Variants in PFAS observed in about 807,000 individuals in gnomAD.
PFAS encodes FGAM synthase.
A neutral mutation model predicts 140.6 loss-of-function variants in PFAS; 97 were observed. The ratio of observed to expected loss-of-function variants is 0.69; its 90% CI spans 0.59 to 0.82. The LOEUF (loss-of-function observed/expected upper bound fraction) is 0.82, where lower values mean the gene tolerates loss of function less well. Ranked by LOEUF, PFAS falls within the 40% of genes least tolerant of loss-of-function variation. PFAS has a pLI of 0.00. For synonymous variants in PFAS, 679 were observed against 718.8 expected (o/e 0.94, Z 0.88); for missense variants, 1,656 against 1,780.2 (o/e 0.93, Z 1.26).
intron 1 of PFAS, among the ~76,000 whole-genome samples, chr17:8,251,232 G>A (rs563001389): frequency 6.6e-6 from 1 of 152,240 alleles, no homozygotes; most frequent in South Asian, 2.1e-4. Context: ...GTTGCAGTGA[G>A]CCGAGATCGT....
chr17:8,257,293 A>T (rs1183248887), intron 9 of PFAS, among the ~76,000 whole-genome samples: 6 of 152,042 alleles, frequency 3.9e-5, no homozygotes, highest in African/African-American at 1.2e-4. Context: ...GTGGTGGCTC[A>T]CGCCTGTAAT....
At chr17:8,263,727 G>T in intron 14 of PFAS, 48 bp from the exon 15 acceptor site, 1 of 1,607,684 alleles carries the variant, frequency 6.2e-7, no homozygotes, top group Non-Finnish European at 8.5e-7. Context: ...CATGAGACGT[G>T]GGAGTGCCCA....
rs1989652190 is a variant in PFAS, at chr17:8,262,951, C to T, written c.1368C>T (p.Val456=). Reference sequence around the variant, plus strand: ...AAGTTGTAAAGGTTGGAGGTCCCGTCTACAGGATTGGAGTTGGAGGTGGAG... The same window carrying T: ...AAGTTGTAAAGGTTGGAGGTCCCGTTTACAGGATTGGAGTTGGAGGTGGAG... The part of the protein sequence containing the change: ...GMEVVKVGGP[V]YRIGVGGGAA... Residue 456 remains valine, a synonymous_variant, in exon 12 of 28, where the codon GTC becomes GTT. Coordinates refer to ENST00000314666, the MANE Select transcript of PFAS (RefSeq NM_012393.3). 6.2e-7 allele frequency: 1 copy of T among 1,614,006 alleles called. No homozygotes were observed. The highest frequency in any genetic ancestry group is 1.1e-5 in the South Asian group (1 of 91,082).
rs982889948 is a variant in PFAS at position 8,269,327 on chromosome 17, C to G, written c.*63C>G. Reference sequence around the variant, plus strand: ...ACCTAAGTGGGTCCTGCCCCCTCCCCCATGACCTTCAGGAGCACCCCATAT... The same window carrying G: ...ACCTAAGTGGGTCCTGCCCCCTCCCGCATGACCTTCAGGAGCACCCCATAT... On this transcript the variant is annotated 3_prime_UTR_variant, in exon 28 of 28. Transcript: ENST00000314666. 8.4e-7 allele frequency: 1 copy of G among 1,186,350 alleles called. No homozygotes were observed. The highest frequency in any genetic ancestry group is 1.2e-6 in the Non-Finnish European group (1 of 835,190). The allele number at this position is 1,186,350 out of a possible 1,614,324, so 73.5% of individuals were successfully genotyped here. A position where few individuals can be genotyped will look rare whatever the true frequency, so the allele number is the denominator to read the frequency against.
Position 8,267,498 on chromosome 17 carries a change from C to T in PFAS, c.3267+35C>T. The T allele has an allele frequency of 6.3e-7, 1 of 1,593,616 alleles. No homozygotes were observed. Among genetic ancestry groups the T allele is most frequent in the Non-Finnish European group, 8.6e-7 (1 of 1,161,360 alleles). ...GTAGGGGGCAGCTGGGGGTGATTGT[C>T]CAGCCTCAGCTGCGTGTCCTCCCAC... On this transcript the variant is annotated intron_variant, in intron 25 of 27. Transcript: ENST00000314666. This position sits in a 1 kb window ranked among gnomAD's most constrained non-coding sequence, Gnocchi z 4.9.
rs764217235 is a variant in PFAS at position 8,265,447 on chromosome 17, A to G, written c.2440A>G (p.Thr814Ala). ...CCTCAGCATGGCTGCTCGGGTTGGCACTGAGACCGTGCGGGCTCCTGGTGA... is the reference window on the plus strand; with the variant it reads ...CCTCAGCATGGCTGCTCGGGTTGGCGCTGAGACCGTGCGGGCTCCTGGTGA... ...DSLSMAARVG[T>A]ETVRAPGSLV... The change falls in exon 19 of 28, where the codon ACT (threonine) becomes GCT (alanine). Residue 814 changes from threonine to alanine, a missense_variant. By Grantham distance (58) the Thr-to-Ala change is moderately conservative. Coordinates refer to ENST00000314666, the MANE Select transcript of PFAS (RefSeq NM_012393.3). 24 of 1,613,974 alleles carry G rather than the reference A, an allele frequency of 1.5e-5. No homozygotes were observed. The highest frequency in any genetic ancestry group is 1.9e-5 in the Non-Finnish European group (23 of 1,179,992).
At chr17:8,256,698 G>A (rs1342513088) in intron 8 of PFAS, 50 bp downstream of exon 8, 1 of 1,603,990 alleles carries the variant, frequency 6.2e-7, no homozygotes, top group Admixed American at 1.7e-5. Flanking sequence ...ATAGGGTAGG[G>A]CAAAGGTCCC....
upstream of PFAS, chr17:8,247,816 C>T (rs1339641051): frequency 4.8e-6 from 3 of 621,116 alleles, no homozygotes; most frequent in Non-Finnish European, 8.8e-6. Context: ...CAGCGGGCGC[C>T]GCGTGAATGA....
intron 17 of PFAS, 86 bp downstream of exon 17, chr17:8,264,687 G>A: frequency 1.4e-6 from 2 of 1,425,468 alleles, no homozygotes; most frequent in South Asian, 1.4e-5. Flanking sequence ...GTGCTGTGGG[G>A]GTTTTTGCCT....
rs775681427 is a variant in PFAS at position 8,263,261 on chromosome 17, C to T, written c.1563C>T (p.Gly521=). The change falls in exon 13 of 28, where the codon GGC becomes GGT. Residue 521 remains glycine, a synonymous_variant. Transcript: ENST00000314666. ...ICSLHDQGAG[G]NGNVLKELSD... is the part of the protein sequence containing the mutation. ...GCCTTCATGATCAGGGCGCTGGTGGCAATGGTGAGGAAAGGAGTTGGAACA... is the reference window on the plus strand; with the variant it reads ...GCCTTCATGATCAGGGCGCTGGTGGTAATGGTGAGGAAAGGAGTTGGAACA... The T allele has an allele frequency of 1.6e-5, 26 of 1,613,934 alleles. No individual in the cohort carries two copies. In the East Asian group the frequency reaches 5.1e-4, roughly 32 times the overall value.
At chr17:8,258,856 G>A (rs893148669) in intron 11 of PFAS, among the ~76,000 whole-genome samples, 8 of 152,034 alleles carry the variant, frequency 5.3e-5, no homozygotes, top group South Asian at 2.1e-4. Context: ...GTGTGGTGGC[G>A]GGCACCTGTA....
Position 8,266,096 on chromosome 17 carries a change from A to C in PFAS, c.2701+79A>C, listed in dbSNP as rs562287353. On this transcript the variant is annotated intron_variant, in intron 21 of 27. Coordinates refer to ENST00000314666, the MANE Select transcript of PFAS (RefSeq NM_012393.3). The surrounding 1 kb of genome is among the most constrained non-coding windows in gnomAD (Gnocchi z 5.0). Reference sequence around the variant, plus strand: ...CGTTCACCATCTGAGCAGTGGGGCAAAAGGGACTCCAATGGACGATGTACC... The same window carrying C: ...CGTTCACCATCTGAGCAGTGGGGCACAAGGGACTCCAATGGACGATGTACC... The C allele has an allele frequency of 6.5e-7, 1 of 1,530,476 alleles. No individual in the cohort carries two copies. The highest frequency in any genetic ancestry group is 2.3e-5 in the East Asian group (1 of 44,284). 94.8% of individuals were successfully genotyped at this position (1,530,476 alleles called of 1,614,324 possible).
chr17:8,262,481 C>CT (rs1989630779), intron 11 of PFAS: 1 of 171,150 alleles, frequency 5.8e-6, no homozygotes, highest in Non-Finnish European at 1.3e-5. Flanking sequence ...GTTTACTCTC[C>CT]TATCAACCCA....
chr17:8,264,349 T>G lies in PFAS; in HGVS notation c.1917+12T>G. On this transcript the variant is annotated intron_variant, in intron 16 of 27. Coordinates refer to ENST00000314666, the MANE Select transcript of PFAS (RefSeq NM_012393.3). ...AGATGCCTCGGAAGGTATGTGGGGT[T>G]GAGGGGATGGGTTTTTCCTGTGGTC... 6.2e-7 allele frequency: 1 copy of G among 1,613,544 alleles called. No homozygotes were observed. The highest frequency in any genetic ancestry group is 8.5e-7 in the Non-Finnish European group (1 of 1,179,740).
chr17:8,262,704 G>A (rs1482116573), intron 11 of PFAS, among the ~76,000 whole-genome samples: 1 of 151,956 alleles, frequency 6.6e-6, no homozygotes, highest in Non-Finnish European at 1.5e-5. Flanking sequence ...GCTGAGGCAG[G>A]AATATCGCTT....
intron 15 of PFAS, 125 bp downstream of exon 15, chr17:8,264,061 T>C: frequency 6.9e-7 from 1 of 1,454,186 alleles, no homozygotes. Flanking sequence ...GCAAACAAGC[T>C]GTGGGGAATG....
chr17:8,267,195 GC>G lies in PFAS; in HGVS notation c.3141del (p.Thr1048ProfsTer38). The stretch of plus-strand genomic sequence containing the variant: ...AGCGGATGGGGCCCAGCTATTGCCT[GC>G]CCCCCACCTTTCCCAAAGCCTCCGT... Reference protein sequence around the residue: ...RERMGPSYCLPPTFPKASVPR... With the variant: ...RERMGPSYCLXPTFPKASVPR... On this transcript the variant is annotated frameshift_variant, in exon 24 of 28. Coordinates refer to ENST00000314666, the MANE Select transcript of PFAS (RefSeq NM_012393.3). LOFTEE classifies it high-confidence loss of function. The surrounding 1 kb of genome is among the most constrained non-coding windows in gnomAD (Gnocchi z 4.9). The G allele has an allele frequency of 6.2e-7, 1 of 1,606,306 alleles. No individual in the cohort carries two copies. Among genetic ancestry groups the G allele is most frequent in the Non-Finnish European group, 8.5e-7 (1 of 1,177,134 alleles).
At chr17:8,254,929 C>A in intron 3 of PFAS, 98 bp from the exon 4 acceptor site, 1 of 791,186 alleles carries the variant, frequency 1.3e-6, no homozygotes, top group South Asian at 1.5e-5. Flanking sequence ...GAGGGGATAG[C>A]GGTGGGAGGT....
chr17:8,257,890 A>G lies in PFAS; in HGVS notation c.1159A>G (p.Asn387Asp), dbSNP rs370517140. 1.5e-5 allele frequency: 25 copies of G among 1,614,012 alleles called. No individual in the cohort carries two copies. The African/African-American group carries it at 3.3e-4, about 22-fold the overall frequency. ...RPLEVAIEASNGASDYGNKFG... is the reference protein window; with the variant it reads ...RPLEVAIEASDGASDYGNKFG... ...CCTGGAGGTTGCCATTGAAGCCAGT[A>G]ATGGAGCTTCTGACTATGGCAACAA... The change falls in exon 10 of 28, where the codon AAT becomes GAT. Residue 387 changes from asparagine (N) to aspartate (D), a missense_variant. By Grantham distance (23) the Asn-to-Asp change is conservative. This residue lies in a region of PFAS where 773 missense variants were observed against 757.3 expected (regional missense o/e 1.02). Coordinates refer to ENST00000314666, the MANE Select transcript of PFAS (RefSeq NM_012393.3).
Sources: gnomAD v4.1 joint callset for allele counts (sites outside exome capture counted in the v4.1 genomes callset) on GRCh38, gnomAD v4.1.1 for gene constraint, gnomAD v4.1.1 regional missense constraint, Gnocchi (gnomAD v3.1) non-coding constraint, MANE v1.5 for transcripts, NCBI Gene and HGNC (gene_info 2026-07-23, HGNC 2026-07-21) for gene names.